Variants in THAP4 observed in about 807,000 individuals in gnomAD.
THAP4 encodes the protein THAP domain containing 4.
A neutral mutation model predicts 48.1 loss-of-function variants in THAP4; 18 were observed. The observed-to-expected ratio is 0.37, with a 90% CI of 0.26 to 0.56. The LOEUF is 0.56. Ranked by LOEUF, THAP4 falls within the 20% of genes least tolerant of loss-of-function variation. The pLI, the probability that THAP4 is intolerant of heterozygous loss-of-function variation, is 0.78. For missense variants in THAP4, 656 were observed against 774.9 expected, an observed-to-expected ratio of 0.85 and a Z score of 1.82; for synonymous variants, 345 against 324.9, an observed-to-expected ratio of 1.06 and a Z score of -0.66.
chr2:241,619,433 G>A (rs1039823101), intron 2 of THAP4, among the ~76,000 whole-genome samples: 5 of 152,340 alleles, frequency 3.3e-5, no homozygotes, highest in African/African-American at 9.6e-5. Flanking sequence ...CGCGTACCAC[G>A]CACCTAGGCT....
At chr2:241,635,483 G>C (rs2067624460) in intron 1 of THAP4, among the ~76,000 whole-genome samples, 1 of 152,214 alleles carries the variant, frequency 6.6e-6, no homozygotes, top group East Asian at 1.9e-4. Context: ...GGCCGGGCGG[G>C]GTGGCTTATG....
Position 241,606,368 on chromosome 2 carries a change from T to C in THAP4, c.1346A>G (p.Gln449Arg), listed in dbSNP as rs753010545. The C allele has an allele frequency of 6.3e-6, 10 of 1,584,498 alleles. No individual in the cohort carries two copies. The highest frequency in any genetic ancestry group is 7.7e-6 in the Non-Finnish European group (9 of 1,165,346). ...AGTYPTLQPF[Q>R]YLEEVHISHV... is the part of the protein sequence containing the mutation. Reference sequence around the variant, plus strand: ...GGAGATGTGAACCTCCTCCAGGTACTGGAAGGGCTGCAGTGTGGGGTAGGT... The same window carrying C: ...GGAGATGTGAACCTCCTCCAGGTACCGGAAGGGCTGCAGTGTGGGGTAGGT... Residue 449 changes from glutamine (Q) to arginine (R), a missense_variant, in exon 3 of 6, where the codon CAG becomes CGG. This residue lies in a region of THAP4 where 176 missense variants were observed against 256.7 expected (regional missense o/e 0.69). Transcript: ENST00000407315.
rs1050679802 is a variant in THAP4 at position 241,584,981 on chromosome 2, C to T, written c.1615-256G>A. On this transcript the variant is annotated intron_variant, in intron 5 of 5. Coordinates refer to ENST00000407315, the MANE Select transcript of THAP4 (RefSeq NM_015963.6). Reference sequence around the variant, plus strand: ...GTCACCTTTTTTGTCGACGGCCATACCACCCTGAACGCACCTGATCTCGTC... The same window carrying T: ...GTCACCTTTTTTGTCGACGGCCATATCACCCTGAACGCACCTGATCTCGTC... The T allele has an allele frequency of 3.0e-5, 14 of 466,392 alleles. No individual in the cohort carries two copies. In the South Asian group the frequency reaches 3.1e-4, roughly 10 times the overall value. 28.9% of individuals were successfully genotyped at this position (466,392 alleles called of 1,614,324 possible).
chr2:241,630,090 T>C (rs950794185), intron 2 of THAP4, among the ~76,000 whole-genome samples: 1 of 152,134 alleles, frequency 6.6e-6, no homozygotes, highest in Non-Finnish European at 1.5e-5. Context: ...CTTAATGCAA[T>C]CAAATTTTAA....
intron 2 of THAP4, among the ~76,000 whole-genome samples, chr2:241,625,953 C>T (rs549093924): frequency 6.6e-6 from 1 of 151,986 alleles, no homozygotes; most frequent in South Asian, 2.1e-4. Context: ...AGATCTATTC[C>T]AGGTATGCAA....
At chr2:241,596,754 C>T (rs1359660996) in intron 5 of THAP4, among the ~76,000 whole-genome samples, 2 of 151,196 alleles carry the variant, frequency 1.3e-5, no homozygotes, top group Non-Finnish European at 2.9e-5. Context: ...TGCAGTGAGC[C>T]GAGACTGCAC....
intron 2 of THAP4, among the ~76,000 whole-genome samples, chr2:241,608,255 G>A (rs1334669154): frequency 2.6e-5 from 4 of 152,198 alleles, no homozygotes; most frequent in Non-Finnish European, 5.9e-5. Flanking sequence ...AGAACCGAGG[G>A]TGGAGAGCAG....
intron 2 of THAP4, among the ~76,000 whole-genome samples, chr2:241,606,684 A>G (rs2067188062): frequency 6.6e-6 from 1 of 152,220 alleles, no homozygotes; most frequent in African/African-American, 2.4e-5. Context: ...CCTGCAGAGA[A>G]AAGAGATCCA....
At position 241,633,644 on chromosome 2, in the gene THAP4, C is replaced by T; in HGVS notation, c.513G>A (p.Leu171=). Residue 171 remains leucine, a synonymous_variant, in exon 2 of 6, where the codon CTG becomes CTA. Coordinates refer to ENST00000407315, the MANE Select transcript of THAP4 (RefSeq NM_015963.6). The surrounding 1 kb of genome is among the most constrained non-coding windows in gnomAD (Gnocchi z 7.5). ...CCAGTCCATCTCCTGGAGTCCGTTCCAGAGCTTGCTGGGCCTGCTCCTGGC... is the reference window on the plus strand; with the variant it reads ...CCAGTCCATCTCCTGGAGTCCGTTCTAGAGCTTGCTGGGCCTGCTCCTGGC... The part of the protein sequence containing the change: ...AASQEQAQQA[L]ERTPGDGLAT... 2 of 1,612,704 alleles carry T rather than the reference C, an allele frequency of 1.2e-6. No homozygotes were observed. The highest frequency in any genetic ancestry group is 8.5e-7 in the Non-Finnish European group (1 of 1,179,986).
In THAP4 at chr2:241,633,577, C is replaced by G. The variant is rs1222768300; in HGVS notation, c.580G>C (p.Ala194Pro). 6.2e-7 allele frequency: 1 copy of G among 1,613,572 alleles called. No individual in the cohort carries two copies. Among genetic ancestry groups the G allele is most frequent in the Non-Finnish European group, 8.5e-7 (1 of 1,179,888 alleles). Residue 194 changes from alanine to proline, a missense_variant, in exon 2 of 6, where the codon GCC becomes CCC. By Grantham distance (27) the Ala-to-Pro change is conservative. This residue lies in a region of THAP4 where 391 missense variants were observed against 412.4 expected (regional missense o/e 0.95). Transcript: ENST00000407315. This position sits in a 1 kb window ranked among gnomAD's most constrained non-coding sequence, Gnocchi z 7.5. ...AGSQGKAEASATDAGDESATS... is the reference protein window; with the variant it reads ...AGSQGKAEASPTDAGDESATS... Reference sequence around the variant, plus strand: ...GCGCTCTCATCGCCAGCATCTGTGGCAGACGCTTCTGCTTTTCCCTGACTG... The same window carrying G: ...GCGCTCTCATCGCCAGCATCTGTGGGAGACGCTTCTGCTTTTCCCTGACTG...
At chr2:241,627,276 G>A (rs1038788193) in intron 2 of THAP4, among the ~76,000 whole-genome samples, 2 of 152,218 alleles carry the variant, frequency 1.3e-5, no homozygotes, top group Non-Finnish European at 2.9e-5. Flanking sequence ...TGTAGATAAT[G>A]AATCCATAAA....
At chr2:241,604,578 G>C (rs1437985322) in intron 3 of THAP4, among the ~76,000 whole-genome samples, 1 of 151,798 alleles carries the variant, frequency 6.6e-6, no homozygotes, top group East Asian at 1.9e-4. Context: ...TTGTATTTTT[G>C]TATTTTTTTT....
At chr2:241,597,282 C>T (rs1331853763) in intron 5 of THAP4, among the ~76,000 whole-genome samples, 2 of 152,126 alleles carry the variant, frequency 1.3e-5, no homozygotes, top group Non-Finnish European at 2.9e-5. Flanking sequence ...TACAAGCGCC[C>T]GCCATCACGC....
intron 5 of THAP4, among the ~76,000 whole-genome samples, chr2:241,598,656 G>A (rs958018900): frequency 1.6e-4 from 24 of 152,110 alleles, no homozygotes; most frequent in African/African-American, 5.6e-4. Flanking sequence ...GTGCTCCTAT[G>A]AGAATCTAAT....
At chr2:241,637,337 A>T, upstream of THAP4, 5 of 1,276,478 alleles carry the variant, frequency 3.9e-6, no homozygotes, top group Non-Finnish European at 5.0e-6. Flanking sequence ...GTACCGCGAC[A>T]TGGGCGCGCC....
intron 5 of THAP4, chr2:241,591,854 AG>A (rs1186182827): frequency 4.6e-5 from 7 of 152,256 alleles, no homozygotes; most frequent in Non-Finnish European, 1.0e-4. Context: ...GAATCCATAA[AG>A]GAAGAGATTG....
At chr2:241,621,904 A>G (rs1486386237) in intron 2 of THAP4, among the ~76,000 whole-genome samples, 1 of 152,202 alleles carries the variant, frequency 6.6e-6, no homozygotes, top group Non-Finnish European at 1.5e-5. Flanking sequence ...AGCAGAAAGA[A>G]TAAGAATTAC....
At chr2:241,594,676 C>T (rs770987269) in intron 5 of THAP4, 10 of 222,970 alleles carry the variant, frequency 4.5e-5, no homozygotes, top group Non-Finnish European at 8.4e-5. Context: ...GAGGATCGCT[C>T]AAGCCTGGGA....
intron 2 of THAP4, among the ~76,000 whole-genome samples, chr2:241,624,851 T>C (rs555539521): frequency 7.0e-4 from 106 of 152,284 alleles, no homozygotes; most frequent in African/African-American, 2.3e-3. Flanking sequence ...TTAGGAGCTC[T>C]GTATGACGAA....
Sources: gnomAD v4.1 joint callset for allele counts (sites outside exome capture counted in the v4.1 genomes callset) on GRCh38, gnomAD v4.1.1 for gene constraint, gnomAD v4.1.1 regional missense constraint, Gnocchi (gnomAD v3.1) non-coding constraint, MANE v1.5 for transcripts, NCBI Gene and HGNC (gene_info 2026-07-23, HGNC 2026-07-21) for gene names.